Variants in CFAP47 observed in about 807,000 individuals in gnomAD.
CFAP47 encodes cilia- and flagella-associated protein 47.
Under a neutral mutation model 148.1 loss-of-function variants are expected in CFAP47, and 29 were observed. The observed-to-expected ratio is 0.20, with a 90% confidence interval of 0.15 to 0.27. The LOEUF (loss-of-function observed/expected upper bound fraction) is 0.27. Ranked by LOEUF, CFAP47 falls within the 10% of genes least tolerant of loss-of-function variation. The probability of loss-of-function intolerance (pLI) is 1.00; values close to 1 mark genes in which losing one functional copy is unlikely to be tolerated. For synonymous variants in CFAP47, 664 were observed against 577.3 expected, an observed-to-expected ratio of 1.15 and a Z score of -2.15; for missense variants, 1,872 against 1,697.5, an observed-to-expected ratio of 1.10 and a Z score of -1.81.
chrX:36,158,751 G>A (rs927505692), intron 37 of CFAP47, among the ~76,000 whole-genome samples: 2 of 111,457 alleles, frequency 1.8e-5, no homozygotes, highest in African/African-American at 6.5e-5. Context: ...GGAGGATCAT[G>A]GGGTTTCTGC....
chrX:35,967,279 A>T (rs947181450), intron 9 of CFAP47, among the ~76,000 whole-genome samples: 2 of 111,252 alleles, frequency 1.8e-5, no homozygotes, highest in Admixed American at 1.9e-4. Flanking sequence ...CTACTGTTTT[A>T]TCTAATTCCT....
At chrX:36,126,340 T>TG (rs756230529) in intron 33 of CFAP47, among the ~76,000 whole-genome samples, 1 of 111,256 alleles carries the variant, frequency 9.0e-6, no homozygotes, top group East Asian at 2.8e-4. Flanking sequence ...TGTGAGAACA[T>TG]GCAGTGTTTG....
chrX:36,272,767 T>G (rs1556002058), intron 49 of CFAP47, among the ~76,000 whole-genome samples: 1 of 111,698 alleles, frequency 9.0e-6, no homozygotes, highest in Non-Finnish European at 1.9e-5. Context: ...TAGCTTATGT[T>G]GAGAAATAAA....
At chrX:36,054,491 A>T (rs1295038627) in intron 26 of CFAP47, among the ~76,000 whole-genome samples, 3 of 111,992 alleles carry the variant, frequency 2.7e-5, no homozygotes, top group Non-Finnish European at 5.6e-5. Flanking sequence ...CAACTTTATT[A>T]TATCAATTCT....
At chrX:36,332,316 A>G (rs1029487971) in intron 57 of CFAP47, among the ~76,000 whole-genome samples, 1 of 110,578 alleles carries the variant, frequency 9.0e-6, no homozygotes. Context: ...TTTTTCTTTT[A>G]GCTGACATTC....
chrX:36,172,719 T>A (rs1200778786), intron 39 of CFAP47, among the ~76,000 whole-genome samples: 1 of 111,804 alleles, frequency 8.9e-6, no homozygotes, highest in Non-Finnish European at 1.9e-5. Flanking sequence ...TATTGAGGAA[T>A]TTTGCAGCAA....
chrX:36,280,571 C>G lies in CFAP47; in HGVS notation c.7529C>G (p.Ala2510Gly). 2 of 508,581 alleles carry G rather than the reference C, an allele frequency of 3.9e-6. No individual in the cohort carries two copies. Among genetic ancestry groups the G allele is most frequent in the Non-Finnish European group, 7.0e-6 (2 of 283,944 alleles). 41.9% of individuals were successfully genotyped at this position (508,581 alleles called of 1,213,427 possible). A position where few individuals can be genotyped will look rare whatever the true frequency, so the allele number is the denominator to read the frequency against. Residue 2510 changes from alanine (A) to glycine (G), a missense_variant, in exon 50 of 64, where the codon GCC (alanine) becomes GGC (glycine). By Grantham distance (60) the Ala-to-Gly change is moderately conservative (BLOSUM62 0). Transcript: ENST00000378653. ...DYEEDTDQDQ[A>G]LSCLDSITEQ... ...GAGGAAGACACAGATCAAGATCAAG[C>G]CCTCTCCTGTCTTGATTCAATAACA...
chrX:36,022,652 AT>A (rs943777172), intron 22 of CFAP47, among the ~76,000 whole-genome samples: 10 of 110,139 alleles, frequency 9.1e-5, no homozygotes, highest in Admixed American at 1.9e-4. Flanking sequence ...AGCATGCTTA[AT>A]TTTTTTTATT....
chrX:36,006,787 G>A (rs1247059049), intron 21 of CFAP47, among the ~76,000 whole-genome samples: 2 of 111,823 alleles, frequency 1.8e-5, no homozygotes, highest in Admixed American at 9.6e-5. Flanking sequence ...GGCTACTAAC[G>A]TGTCTTCTTG....
chrX:36,104,670 A>G lies in CFAP47; in HGVS notation c.5299A>G (p.Ile1767Val), dbSNP rs1358712089. 1.1e-6 allele frequency: 1 copy of G among 870,830 alleles called. No homozygotes were observed. The highest frequency in any genetic ancestry group is 2.5e-5 in the South Asian group (1 of 39,218). 71.8% of individuals were successfully genotyped at this position (870,830 alleles called of 1,213,427 possible). A position where few individuals can be genotyped will look rare whatever the true frequency, so the allele number is the denominator to read the frequency against. Residue 1767 changes from isoleucine to valine, a missense_variant, in exon 33 of 64, where the codon ATA becomes GTA. Physicochemically the swap from Ile to Val is conservative, Grantham distance 29. Coordinates refer to ENST00000378653, the MANE Select transcript of CFAP47 (RefSeq NM_001304548.2). ...AAATTATGAGAATACTCGACATGTG[A>G]TATGGAAAAACTGTCACAAAGGTGA... ...NINYENTRHV[I>V]WKNCHKDVIP...
chrX:35,970,827 C>T lies in CFAP47; in HGVS notation c.1874C>T (p.Thr625Ile), dbSNP rs147274342. ...NYVNHDFAYT[T>I]FEKQQKKLHE... ...GTGAATCATGATTTTGCATATACTA[C>T]ATTTGAAAAACAGCAAAAGAAATTA... The change falls in exon 11 of 64, where the codon ACA becomes ATA. Residue 625 changes from threonine to isoleucine, a missense_variant. Physicochemically the swap from Thr to Ile is moderately conservative, Grantham distance 89. Transcript: ENST00000378653. The T allele has an allele frequency of 3.4e-6, 4 of 1,189,963 alleles. No homozygotes were observed. In the Admixed American group the frequency reaches 6.9e-5, roughly 20 times the overall value.
At chrX:35,992,601 A>G (rs1298781648) in intron 17 of CFAP47, among the ~76,000 whole-genome samples, 1 of 111,401 alleles carries the variant, frequency 9.0e-6, no homozygotes, top group Non-Finnish European at 1.9e-5. Context: ...TTGTTCCTTT[A>G]GTCCCAAAAA....
intron 2 of CFAP47, among the ~76,000 whole-genome samples, chrX:35,926,372 A>G (rs770614981): frequency 1.8e-5 from 2 of 112,375 alleles, no homozygotes; most frequent in South Asian, 7.3e-4. Flanking sequence ...CAACAATTGA[A>G]TGTATTAATA....
chrX:36,069,183 A>C (rs772694035), intron 27 of CFAP47, among the ~76,000 whole-genome samples: 53 of 110,637 alleles, frequency 4.8e-4, no homozygotes, highest in African/African-American at 1.6e-3. Context: ...TTTATTAAGC[A>C]AAATGTACAT....
intron 45 of CFAP47, among the ~76,000 whole-genome samples, chrX:36,227,685 A>G (rs1158325693): frequency 2.7e-5 from 3 of 112,051 alleles, no homozygotes; most frequent in African/African-American, 9.7e-5. Flanking sequence ...CAATTGATTG[A>G]TATGCTTGAT....
intron 26 of CFAP47, among the ~76,000 whole-genome samples, chrX:36,055,072 C>T (rs1436655789): frequency 9.2e-6 from 1 of 108,364 alleles, no homozygotes. Context: ...GCGTGAGCCA[C>T]CATGCCCGGC....
At chrX:35,924,155 A>ATG (rs201972188) in intron 1 of CFAP47, among the ~76,000 whole-genome samples, 4,684 of 84,338 alleles carry the variant, frequency 0.056, 258 homozygotes, top group East Asian at 0.083. Flanking sequence ...GTATGCGTAC[A>ATG]TATATGTATA....
intron 13 of CFAP47, 49 bp downstream of exon 13, chrX:35,972,014 A>T (rs1364682413): frequency 2.5e-6 from 2 of 798,837 alleles, no homozygotes; most frequent in Non-Finnish European, 3.6e-6. Flanking sequence ...TTATAAAAAA[A>T]AGATTTCTTA....
intron 53 of CFAP47, among the ~76,000 whole-genome samples, 193 bp from the exon 54 acceptor site, chrX:36,303,656 C>T (rs782738466): frequency 3.6e-5 from 4 of 110,932 alleles, no homozygotes; most frequent in Non-Finnish European, 1.9e-5. Context: ...TCCAGTAAGA[C>T]GTTATCTTAA....
Sources: gnomAD v4.1 joint callset for allele counts (sites outside exome capture counted in the v4.1 genomes callset) on GRCh38, gnomAD v4.1.1 for gene constraint, MANE v1.5 for transcripts, NCBI Gene and HGNC (gene_info 2026-07-23, HGNC 2026-07-21) for gene names.